Variants in NHSL1 observed in about 807,000 individuals in gnomAD.
The protein encoded by NHSL1 is NHS-like protein 1.
A neutral mutation model predicts 95.0 loss-of-function variants in NHSL1; 48 were observed. The observed-to-expected ratio is 0.51, with a 90% CI of 0.40 to 0.64. The LOEUF (loss-of-function observed/expected upper bound fraction) is 0.64. NHSL1 is among the 30% of genes least tolerant of loss of function. The probability of loss-of-function intolerance (pLI) is 0.00; values close to 1 mark genes in which losing one functional copy is unlikely to be tolerated. For missense variants in NHSL1, 1,971 were observed against 2,077.7 expected (o/e 0.95, Z 1.00); for synonymous variants, 783 against 833.9 (o/e 0.94, Z 1.05).
intron 1 of NHSL1, among the ~76,000 whole-genome samples, chr6:138,510,040 G>T (rs1337536021): frequency 1.3e-5 from 2 of 152,194 alleles, no homozygotes; most frequent in Non-Finnish European, 2.9e-5. Flanking sequence ...TAAAATGACT[G>T]AAGGCAAATC....
intron 1 of NHSL1, among the ~76,000 whole-genome samples, chr6:138,643,815 A>G (rs191322477): frequency 2.4e-4 from 37 of 152,166 alleles, no homozygotes; most frequent in Middle Eastern, 6.8e-3. Context: ...CCTAGCCAAC[A>G]TGGTGAAACC....
At position 138,619,629 on chromosome 6, in the gene NHSL1, T is replaced by C. The variant is rs147602900; in HGVS notation, c.96+72847A>G. Among the ~76,000 whole-genome samples, 19 of 152,150 alleles carry C rather than the reference T, an allele frequency of 1.2e-4. 1 individual carries two copies. The highest frequency in any genetic ancestry group is 4.3e-4 in the African/African-American group (18 of 41,506). On this transcript the variant is annotated intron_variant, in intron 1 of 3. Coordinates refer to the NHSL1 transcript ENST00000491526. ...ATAGTACATTCTCCGTGGTGTTTTTTAAAAAGGAGTGGTCAGGCATGGTGA... is the reference window on the plus strand; with the variant it reads ...ATAGTACATTCTCCGTGGTGTTTTTCAAAAAGGAGTGGTCAGGCATGGTGA...
At position 138,430,314 on chromosome 6, in the gene NHSL1, G is replaced by T. The variant is rs1377607380; in HGVS notation, c.3952+79C>A. Reference sequence around the variant, plus strand: ...ATCTACCTGGGTTCTTTCCACGTGTGAGCATTCAACAACCCTATCTGGTTC... The same window carrying T: ...ATCTACCTGGGTTCTTTCCACGTGTTAGCATTCAACAACCCTATCTGGTTC... On this transcript the variant is annotated intron_variant, in intron 6 of 7. Coordinates refer to ENST00000343505, the MANE Select transcript of NHSL1 (RefSeq NM_001144060.2). The surrounding 1 kb of genome is among the most constrained non-coding windows in gnomAD (Gnocchi z 4.7). 5 of 1,407,730 alleles carry T rather than the reference G, an allele frequency of 3.6e-6. No individual in the cohort carries two copies. Among genetic ancestry groups the T allele is most frequent in the Admixed American group, 3.1e-5 (1 of 32,212 alleles). 87.2% of individuals were successfully genotyped at this position (1,407,730 alleles called of 1,614,324 possible).
Position 138,424,237 on chromosome 6 carries a change from C to T in NHSL1, c.4665G>A (p.Leu1555=). ...CGCCCTCGTCCATCTCCTCCCTCGCCAGTCCGTCCAGGGAACATCCCTCCG... is the reference window on the plus strand; with the variant it reads ...CGCCCTCGTCCATCTCCTCCCTCGCTAGTCCGTCCAGGGAACATCCCTCCG... The part of the protein sequence containing the change: ...GAAEGCSLDG[L]AREEMDEGGL... The change falls in exon 8 of 8, where the codon CTG becomes CTA. Residue 1555 remains leucine (L), a synonymous_variant. Coordinates refer to ENST00000343505, the MANE Select transcript of NHSL1 (RefSeq NM_001144060.2). This position sits in a 1 kb window ranked among gnomAD's most constrained non-coding sequence, Gnocchi z 5.9. 2 of 1,506,574 alleles carry T rather than the reference C, an allele frequency of 1.3e-6. No individual in the cohort carries two copies. Among genetic ancestry groups the T allele is most frequent in the South Asian group, 2.6e-5 (2 of 77,820 alleles). 93.3% of individuals were successfully genotyped at this position (1,506,574 alleles called of 1,614,324 possible).
chr6:138,668,522 T>C (rs1424152903), intron 1 of NHSL1, among the ~76,000 whole-genome samples: 6 of 152,134 alleles, frequency 3.9e-5, no homozygotes, highest in African/African-American at 1.4e-4. Context: ...AAACATCATG[T>C]TGCACCCCAT....
intron 3 of NHSL1, among the ~76,000 whole-genome samples, chr6:138,468,610 G>A (rs1453297472): frequency 6.6e-6 from 1 of 152,174 alleles, no homozygotes; most frequent in Non-Finnish European, 1.5e-5. Context: ...ACATGGAACA[G>A]TTTCATCCCA....
chr6:138,541,136 G>A (rs935409145), intron 1 of NHSL1, among the ~76,000 whole-genome samples: 8 of 152,176 alleles, frequency 5.3e-5, no homozygotes, highest in African/African-American at 1.9e-4. Flanking sequence ...GGGAGGCTGA[G>A]GCGGCGAATT....
chr6:138,659,712 T>C (rs929727747), intron 1 of NHSL1, among the ~76,000 whole-genome samples: 1 of 130,002 alleles, frequency 7.7e-6, no homozygotes, highest in Non-Finnish European at 1.5e-5. Context: ...CCTACCACGT[T>C]TTTTTTTTGT....
chr6:138,639,405 G>A (rs931284962), intron 1 of NHSL1, among the ~76,000 whole-genome samples: 5 of 151,978 alleles, frequency 3.3e-5, no homozygotes, highest in African/African-American at 9.7e-5. Context: ...TTGGGCGGCC[G>A]AGGTAGGTGG....
chr6:138,519,210 T>G (rs1781576884), intron 1 of NHSL1, among the ~76,000 whole-genome samples: 1 of 151,372 alleles, frequency 6.6e-6, no homozygotes, highest in Admixed American at 6.6e-5. Flanking sequence ...TAGTAACAAC[T>G]AACAACTTCA....
At chr6:138,589,362 A>G (rs1784189894) in intron 1 of NHSL1, among the ~76,000 whole-genome samples, 1 of 152,088 alleles carries the variant, frequency 6.6e-6, no homozygotes, top group Admixed American at 6.5e-5. Flanking sequence ...CACCCTAGAC[A>G]ACCAGAGCAT....
intron 3 of NHSL1, among the ~76,000 whole-genome samples, chr6:138,466,043 G>GA (rs1778351773): frequency 7.6e-6 from 1 of 132,020 alleles, no homozygotes; most frequent in African/African-American, 3.1e-5. Context: ...CTCCTTTTTG[G>GA]GGGGGGGGCA....
upstream of NHSL1, among the ~76,000 whole-genome samples, chr6:138,503,177 G>C (rs1780778307): frequency 6.6e-6 from 1 of 151,970 alleles, no homozygotes; most frequent in South Asian, 2.1e-4. Context: ...CCTTCCTAAT[G>C]ATCTTCTTAA....
At chr6:138,586,251 C>A (rs778132186) in intron 1 of NHSL1, among the ~76,000 whole-genome samples, 10 of 152,012 alleles carry the variant, frequency 6.6e-5, no homozygotes, top group African/African-American at 9.7e-5. Context: ...CCTACCACAA[C>A]ATCCAGCTAA....
At chr6:138,689,891 GC>G (rs1583482670) in intron 1 of NHSL1, among the ~76,000 whole-genome samples, 1 of 151,726 alleles carries the variant, frequency 6.6e-6, no homozygotes, top group East Asian at 1.9e-4. Context: ...CAAATGATCC[GC>G]CCACCTTGGT....
chr6:138,646,766 T>C (rs1785026119), intron 1 of NHSL1, among the ~76,000 whole-genome samples: 1 of 152,206 alleles, frequency 6.6e-6, no homozygotes, highest in Non-Finnish European at 1.5e-5. Context: ...TTTACAGTCA[T>C]GAGCAAATGA....
intron 1 of NHSL1, among the ~76,000 whole-genome samples, chr6:138,556,709 T>C (rs1186260209): frequency 1.3e-5 from 2 of 152,012 alleles, no homozygotes; most frequent in East Asian, 1.9e-4. Context: ...TTCAGCCACA[T>C]TTTATATCAT....
intron 1 of NHSL1, among the ~76,000 whole-genome samples, chr6:138,583,212 T>C (rs924720606): frequency 6.6e-6 from 1 of 152,184 alleles, no homozygotes; most frequent in Admixed American, 6.5e-5. Flanking sequence ...GTCTTTTCCA[T>C]GGCAATGGCA....
intron 1 of NHSL1, among the ~76,000 whole-genome samples, chr6:138,639,761 G>A (rs1227686231): frequency 1.7e-5 from 2 of 119,070 alleles, no homozygotes; most frequent in Non-Finnish European, 3.2e-5. Flanking sequence ...AGCCAAGGTC[G>A]CACCTCTAGC....
Sources: allele counts gnomAD v4.1 joint callset (sites outside exome capture counted in the v4.1 genomes callset), GRCh38; gene constraint gnomAD v4.1.1; non-coding constraint Gnocchi (gnomAD v3.1); transcripts MANE v1.5; gene names NCBI Gene and HGNC (gene_info 2026-07-23, HGNC 2026-07-21).